Variants in HABP4 observed in about 807,000 individuals in gnomAD.
HABP4 encodes hyaluronan binding protein 4, also known as intracellular hyaluronan-binding protein 4.
In HABP4, 32 loss-of-function variants were observed where a neutral mutation model predicts 44.1. That is an observed-to-expected ratio of 0.73 (90% confidence interval 0.55 to 0.97). The LOEUF (loss-of-function observed/expected upper bound fraction) is 0.97. HABP4 is among the 50% of genes least tolerant of loss of function. HABP4 has a pLI of 0.00. For missense variants in HABP4, 503 were observed against 561.9 expected, an observed-to-expected ratio of 0.90 and a Z score of 1.06; for synonymous variants, 216 against 218.0, an observed-to-expected ratio of 0.99 and a Z score of 0.08.
At position 96,488,039 on chromosome 9, in the gene HABP4, TG is replaced by T; in HGVS notation, c.1000-46del. 1 of 1,297,116 alleles carries T rather than the reference TG, an allele frequency of 7.7e-7. No individual in the cohort carries two copies. The highest frequency in any genetic ancestry group is 1.1e-6 in the Non-Finnish European group (1 of 898,746). The allele number at this position is 1,297,116 out of a possible 1,614,324, so 80.4% of individuals were successfully genotyped here. Reference sequence around the variant, plus strand: ...CTGCAGCCACTAAGCCAGATGAGTGTGGGGATGGCTGTGGACTTGTGCGTGT... The same window carrying T: ...CTGCAGCCACTAAGCCAGATGAGTGTGGGATGGCTGTGGACTTGTGCGTGT... On this transcript the variant is annotated intron_variant, in intron 6 of 7. Transcript: ENST00000375249. The surrounding 1 kb of genome is among the most constrained non-coding windows in gnomAD (Gnocchi z 4.6).
rs551839337 is a variant in HABP4, at chr9:96,457,511, A to G, written c.350-868A>G. 1.6e-3 allele frequency among the ~76,000 whole-genome samples: 240 copies of G among 152,362 alleles called. 1 individual carries two copies. Among genetic ancestry groups the G allele is most frequent in the African/African-American group, 5.2e-3 (215 of 41,588 alleles). On this transcript the variant is annotated intron_variant, in intron 1 of 7. Transcript: ENST00000375249. ...GGAAGTTATAACTGCAAGTCTATATATCTCATAGAATAGCAGGAAAATCTG... is the reference window on the plus strand; with the variant it reads ...GGAAGTTATAACTGCAAGTCTATATGTCTCATAGAATAGCAGGAAAATCTG...
intron 5 of HABP4, among the ~76,000 whole-genome samples, chr9:96,481,935 GA>G (rs1444116864): frequency 4.2e-5 from 6 of 142,686 alleles, no homozygotes; most frequent in African/African-American, 1.7e-4. Context: ...TCCATCTCTA[GA>G]ACTTTTTTTT....
intron 5 of HABP4, among the ~76,000 whole-genome samples, chr9:96,481,888 TCAG>T (rs1832885602): frequency 6.6e-6 from 1 of 152,050 alleles, no homozygotes. Flanking sequence ...TTTAATGGCA[TCAG>T]TAACATTCAT....
intron 5 of HABP4, among the ~76,000 whole-genome samples, chr9:96,481,178 G>A (rs1210917059): frequency 3.3e-5 from 5 of 152,032 alleles, no homozygotes; most frequent in Admixed American, 2.0e-4. Context: ...TCCGCCTCCC[G>A]GGTTCAAGCA....
At chr9:96,469,395 C>T (rs1466580142) in intron 4 of HABP4, among the ~76,000 whole-genome samples, 1 of 152,124 alleles carries the variant, frequency 6.6e-6, no homozygotes, top group Non-Finnish European at 1.5e-5. Flanking sequence ...GTAACAAAGC[C>T]TTGAAGTGTG....
intron 1 of HABP4, among the ~76,000 whole-genome samples, chr9:96,454,391 A>T (rs1554724162): frequency 6.6e-6 from 1 of 151,328 alleles, no homozygotes; most frequent in Non-Finnish European, 1.5e-5. Context: ...TAGGTAATTA[A>T]CTTTCTTAGT....
At chr9:96,465,670 A>G (rs768313517) in intron 3 of HABP4, 40 bp from the exon 4 acceptor site, 1 of 1,375,152 alleles carries the variant, frequency 7.3e-7, no homozygotes, top group African/African-American at 1.4e-5. Flanking sequence ...TTGACTGGAG[A>G]CTAGCTTCTG....
intron 6 of HABP4, among the ~76,000 whole-genome samples, chr9:96,487,058 C>G (rs534631815): frequency 1.2e-4 from 18 of 152,086 alleles, no homozygotes; most frequent in African/African-American, 4.3e-4. Context: ...GACTGTTTTT[C>G]TTCACCTTTT....
At chr9:96,454,591 A>G (rs1234432406) in intron 1 of HABP4, among the ~76,000 whole-genome samples, 1 of 152,010 alleles carries the variant, frequency 6.6e-6, no homozygotes, top group Non-Finnish European at 1.5e-5. Flanking sequence ...CTGGGACTAC[A>G]GACGCCCGCC....
intron 2 of HABP4, among the ~76,000 whole-genome samples, chr9:96,461,977 TG>T (rs1832506749): frequency 1.3e-5 from 2 of 151,260 alleles, no homozygotes; most frequent in Non-Finnish European, 2.9e-5. Flanking sequence ...GCCAACATAG[TG>T]AATCCCCGCC....
rs1023617085 is a variant in HABP4, at chr9:96,465,873, T to G, written c.743+95T>G. ...GAAAATGATGTCTTCTGTATTGTGC[T>G]TTATACTTGTGTGCCCCTAAGTAGA... On this transcript the variant is annotated intron_variant, in intron 4 of 7. Coordinates refer to ENST00000375249, the MANE Select transcript of HABP4 (RefSeq NM_014282.4). 4.1e-5 allele frequency: 30 copies of G among 723,176 alleles called. No homozygotes were observed. The Admixed American group carries it at 5.0e-4, about 12-fold the overall frequency. The allele number at this position is 723,176 out of a possible 1,614,324, so 44.8% of individuals were successfully genotyped here.
intron 5 of HABP4, among the ~76,000 whole-genome samples, chr9:96,475,689 C>A (rs539729162): frequency 6.6e-6 from 1 of 152,292 alleles, no homozygotes; most frequent in South Asian, 2.1e-4. Context: ...CAGGAGAGGG[C>A]AAAAGATGTT....
In HABP4 at chr9:96,484,345, A is replaced by G. The variant is rs183174419; in HGVS notation, c.828-117A>G. The G allele has an allele frequency of 6.9e-3, 3,985 of 581,692 alleles. 15 individuals are homozygous for G. Among genetic ancestry groups the G allele is most frequent in the Non-Finnish European group, 8.6e-3 (2,789 of 325,522 alleles). The allele number at this position is 581,692 out of a possible 1,614,324, so 36.0% of individuals were successfully genotyped here. A position where few individuals can be genotyped will look rare whatever the true frequency, so the allele number is the denominator to read the frequency against. On this transcript the variant is annotated intron_variant, in intron 5 of 7. Transcript: ENST00000375249. The stretch of plus-strand genomic sequence containing the variant: ...TCAAAGATTTCCTTACCTTATTTGC[A>G]TTTGAAATGCAGTACCACAAAAATA...
intron 2 of HABP4, among the ~76,000 whole-genome samples, chr9:96,461,352 T>C (rs2131124206): frequency 6.6e-6 from 1 of 152,222 alleles, no homozygotes; most frequent in South Asian, 2.1e-4. Context: ...CAGGAATTGA[T>C]TTTAAATGAC....
At chr9:96,470,315 G>A (rs1327231664) in intron 4 of HABP4, among the ~76,000 whole-genome samples, 1 of 152,034 alleles carries the variant, frequency 6.6e-6, no homozygotes, top group East Asian at 2.0e-4. Flanking sequence ...ATTTTTAGTA[G>A]AGACAGGGTT....
chr9:96,483,859 T>C (rs991221936), intron 5 of HABP4: 7 of 152,262 alleles, frequency 4.6e-5, no homozygotes, highest in African/African-American at 1.4e-4. Flanking sequence ...TCTTTTGGTG[T>C]GTGTGGATAT....
rs1168926307 is a variant in HABP4 at position 96,491,228 on chromosome 9, A to C, written c.*1190A>C. On this transcript the variant is annotated 3_prime_UTR_variant, in exon 8 of 8. Transcript: ENST00000375249. ...CAGTTCATATGCTCGCTTGAGATGGAATCTGAACCTTGGTCCCAGGATCTG... is the reference window on the plus strand; with the variant it reads ...CAGTTCATATGCTCGCTTGAGATGGCATCTGAACCTTGGTCCCAGGATCTG... The C allele has an allele frequency of 6.6e-6, 1 of 152,230 alleles. No homozygotes were observed. Among genetic ancestry groups the C allele is most frequent in the East Asian group, 1.9e-4 (1 of 5,198 alleles). 9.4% of individuals were successfully genotyped at this position (152,230 alleles called of 1,614,324 possible). A position where few individuals can be genotyped will look rare whatever the true frequency, so the allele number is the denominator to read the frequency against.
chr9:96,462,450 T>TAA (rs779788111), intron 2 of HABP4, among the ~76,000 whole-genome samples: 1 of 142,694 alleles, frequency 7.0e-6, no homozygotes, highest in Non-Finnish European at 1.5e-5. Context: ...ACTCTGTCTC[T>TAA]AAAAAAAAAA....
intron 2 of HABP4, 100 bp from the exon 3 acceptor site, chr9:96,465,237 T>C: frequency 1.3e-6 from 1 of 747,884 alleles, no homozygotes; most frequent in Non-Finnish European, 2.3e-6. Context: ...GCCACCATTC[T>C]TTCCAGTATA....
Sources: allele counts gnomAD v4.1 joint callset (sites outside exome capture counted in the v4.1 genomes callset), GRCh38; gene constraint gnomAD v4.1.1; non-coding constraint Gnocchi (gnomAD v3.1); transcripts MANE v1.5; gene names NCBI Gene and HGNC (gene_info 2026-07-23, HGNC 2026-07-21).